ARFIP1: variants seen among roughly 807,000 people sequenced by gnomAD.
ARFIP1 encodes ARF interacting protein 1, also known as arfaptin-1.
Under a neutral mutation model 42.5 loss-of-function variants are expected in ARFIP1, and 24 were observed. The ratio of observed to expected loss-of-function variants is 0.57; its 90% confidence interval spans 0.41 to 0.80. The LOEUF is 0.80. ARFIP1 is among the 30% of genes least tolerant of loss of function. The pLI, the probability that ARFIP1 is intolerant of heterozygous loss-of-function variation, is 0.00. For missense variants in ARFIP1, 354 were observed against 434.0 expected, an observed-to-expected ratio of 0.82 and a Z score of 1.64; for synonymous variants, 141 against 153.7, an observed-to-expected ratio of 0.92 and a Z score of 0.61.
intron 2 of ARFIP1, among the ~76,000 whole-genome samples, chr4:152,836,430 A>G (rs546154875): frequency 2.6e-5 from 4 of 152,314 alleles, no homozygotes; most frequent in Admixed American, 1.3e-4. Context: ...TTATACCTCA[A>G]TAAAGCTGGG....
intron 1 of ARFIP1, among the ~76,000 whole-genome samples, chr4:152,782,223 G>GGTGTGTGTGTGTGT (rs71598214): frequency 2.7e-5 from 4 of 148,556 alleles, no homozygotes; most frequent in African/African-American, 1.0e-4. Context: ...AACAGGTAGG[G>GGTGTGTGTGTGTGT]GTGTGTGTGT....
chr4:152,823,776 CAAAAAAA>C (rs66556811), intron 1 of ARFIP1, among the ~76,000 whole-genome samples: 27 of 63,136 alleles, frequency 4.3e-4, no homozygotes, highest in South Asian at 1.6e-3. Flanking sequence ...GTCTCCATCT[CAAAAAAA>C]AAAAAAAAAA....
intron 8 of ARFIP1, among the ~76,000 whole-genome samples, chr4:152,901,897 C>T (rs1271670018): frequency 6.6e-6 from 1 of 152,188 alleles, no homozygotes; most frequent in African/African-American, 2.4e-5. Context: ...TTTAATACAA[C>T]TTCAAGGCTA....
chr4:152,847,350 CT>C (rs1257842728), intron 2 of ARFIP1, among the ~76,000 whole-genome samples: 58 of 151,466 alleles, frequency 3.8e-4, no homozygotes, highest in Non-Finnish European at 7.4e-5. Flanking sequence ...CCAGGCTGGT[CT>C]TGAACTCTTG....
intron 8 of ARFIP1, among the ~76,000 whole-genome samples, chr4:152,893,468 T>A (rs1737040490): frequency 6.6e-6 from 1 of 152,096 alleles, no homozygotes; most frequent in Non-Finnish European, 1.5e-5. Context: ...GAAAAAATAG[T>A]TGAAGGTTAA....
At chr4:152,792,548 A>G (rs940906764) in intron 1 of ARFIP1, among the ~76,000 whole-genome samples, 13 of 152,216 alleles carry the variant, frequency 8.5e-5, no homozygotes, top group South Asian at 4.2e-4. Flanking sequence ...AGCTCCCATT[A>G]TGATTTATGT....
chr4:152,808,695 A>T (rs1729207057), intron 1 of ARFIP1, among the ~76,000 whole-genome samples: 1 of 152,134 alleles, frequency 6.6e-6, no homozygotes, highest in South Asian at 2.1e-4. Context: ...GTATAATGGT[A>T]TCTGGTGGTT....
intron 8 of ARFIP1, among the ~76,000 whole-genome samples, chr4:152,906,546 T>TC (rs1390116807): frequency 6.6e-6 from 1 of 152,200 alleles, no homozygotes; most frequent in African/African-American, 2.4e-5. Context: ...TCTCACGATC[T>TC]CCTCTTTTAC....
In ARFIP1 at chr4:152,882,861, A is replaced by G. The variant is rs1413652098; in HGVS notation, c.772A>G (p.Lys258Glu). The G allele has an allele frequency of 6.2e-7, 1 of 1,608,484 alleles. No homozygotes were observed. The highest frequency in any genetic ancestry group is 2.2e-5 in the East Asian group (1 of 44,666). Residue 258 changes from lysine (K) to glutamate (E), a missense_variant, in exon 7 of 9, where the codon AAA (lysine) becomes GAA (glutamate). Lys to Glu is a moderately conservative substitution (Grantham distance 56). Transcript: ENST00000353617. ...KTIEDTLMTVKQYESARIEYD... is the reference protein window; with the variant it reads ...KTIEDTLMTVEQYESARIEYD... The stretch of plus-strand genomic sequence containing the variant: ...CATTGAAGATACATTAATGACTGTG[A>G]AACAGTATGAAAGTGCCAGGTAAGG...
In ARFIP1 at chr4:152,870,765, C is replaced by T. The variant is rs765850961; in HGVS notation, c.215C>T (p.Pro72Leu). Residue 72 changes from proline to leucine, a missense_variant, in exon 4 of 9, where the codon CCG (proline) becomes CTG (leucine). By Grantham distance (98) the Pro-to-Leu change is moderately conservative. Coordinates refer to ENST00000353617, the MANE Select transcript of ARFIP1 (RefSeq NM_001025595.3). ...TCTACCTTTTCAGGTTCCCCAGCAC[C>T]GCCACTGCCATCTGTTATGTCTCCT... is the stretch of plus-strand genomic sequence containing the variant. ...EAGAFQGSPA[P>L]PLPSVMSPSR... 37 of 1,613,694 alleles carry T rather than the reference C, an allele frequency of 2.3e-5. No individual in the cohort carries two copies. Among genetic ancestry groups the T allele is most frequent in the South Asian group, 1.2e-4 (11 of 91,070 alleles).
chr4:152,889,677 A>G (rs1736599236), intron 8 of ARFIP1, among the ~76,000 whole-genome samples: 2 of 130,034 alleles, frequency 1.5e-5, no homozygotes, highest in Admixed American at 8.5e-5. Flanking sequence ...AATATATACT[A>G]TATAATATAT....
chr4:152,817,480 TAAATGTAGACCTAAGACTATAA>T (rs947421927), intron 1 of ARFIP1, among the ~76,000 whole-genome samples: 1 of 152,156 alleles, frequency 6.6e-6, no homozygotes, highest in Non-Finnish European at 1.5e-5. Flanking sequence ...ATCAAAGACC[TAAATGTAGACCTAAGACTATAA>T]AAGTCTTAGG....
intron 3 of ARFIP1, among the ~76,000 whole-genome samples, chr4:152,869,040 C>T (rs1734649206): frequency 6.6e-6 from 1 of 152,114 alleles, no homozygotes; most frequent in African/African-American, 2.4e-5. Context: ...AAAAATATCT[C>T]TCATTTTGAA....
chr4:152,861,001 C>T (rs1733847553), intron 2 of ARFIP1, among the ~76,000 whole-genome samples: 1 of 152,068 alleles, frequency 6.6e-6, no homozygotes, highest in Admixed American at 6.6e-5. Flanking sequence ...ACCAAATTGG[C>T]TTTTTTATAC....
intron 1 of ARFIP1, among the ~76,000 whole-genome samples, chr4:152,795,469 A>G (rs191118477): frequency 8.5e-5 from 13 of 152,290 alleles, no homozygotes; most frequent in African/African-American, 3.1e-4. Flanking sequence ...CAAGTTTCCA[A>G]TATTTTACAA....
chr4:152,794,889 G>A (rs1341850640), intron 1 of ARFIP1, among the ~76,000 whole-genome samples: 1 of 151,886 alleles, frequency 6.6e-6, no homozygotes, highest in Non-Finnish European at 1.5e-5. Context: ...GGCTGTTATG[G>A]GCTCCTTCAG....
rs1738833773 is a variant in ARFIP1 at position 152,911,369 on chromosome 4, T to C, written c.*1150T>C. 6.6e-6 allele frequency: 1 copy of C among 152,538 alleles called. No individual in the cohort carries two copies. The highest frequency in any genetic ancestry group is 2.1e-4 in the South Asian group (1 of 4,834). 9.4% of individuals were successfully genotyped at this position (152,538 alleles called of 1,614,324 possible). A position where few individuals can be genotyped will look rare whatever the true frequency, so the allele number is the denominator to read the frequency against. ...TTGGGAAAACAGAAAGATTCTTTGA[T>C]TTGGGTAATGAAGAGGTAATTTGGG... is the stretch of plus-strand genomic sequence containing the variant. On this transcript the variant is annotated 3_prime_UTR_variant, in exon 9 of 9. Coordinates refer to ENST00000353617, the MANE Select transcript of ARFIP1 (RefSeq NM_001025595.3).
At chr4:152,905,084 A>C (rs6842254) in intron 8 of ARFIP1, among the ~76,000 whole-genome samples, 57,690 of 151,982 alleles carry the variant, frequency 0.38, 12,005 homozygotes, top group Admixed American at 0.49. Context: ...TTAATACGCC[A>C]TTCTGACTGG....
chr4:152,784,866 G>A lies in ARFIP1; in HGVS notation c.-10+4640G>A, dbSNP rs538414220. Among the ~76,000 whole-genome samples the A allele has an allele frequency of 2.5e-4, 38 of 152,346 alleles. 1 individual carries two copies. The South Asian group carries it at 7.2e-3, about 29-fold the overall frequency. On this transcript the variant is annotated intron_variant, in intron 1 of 8. Coordinates refer to ENST00000353617, the MANE Select transcript of ARFIP1 (RefSeq NM_001025595.3). The stretch of plus-strand genomic sequence containing the variant: ...ATTTTATTTTTGTATATCTGTGATA[G>A]CATTGGACTAGCAGCTCCTTGATGT...
Sources: gnomAD v4.1 joint callset for allele counts (sites outside exome capture counted in the v4.1 genomes callset) on GRCh38, gnomAD v4.1.1 for gene constraint, MANE v1.5 for transcripts, NCBI Gene and HGNC (gene_info 2026-07-23, HGNC 2026-07-21) for gene names.